The following SND1 variants were observed in gnomAD, a reference collection of about 807,000 sequenced individuals.
SND1 encodes staphylococcal nuclease and tudor domain containing 1.
A neutral mutation model predicts 121.7 loss-of-function variants in SND1; 38 were observed. The observed-to-expected ratio is 0.31, with a 90% CI of 0.24 to 0.41. The LOEUF (loss-of-function observed/expected upper bound fraction) is 0.41, where lower values mean the gene tolerates loss of function less well. SND1 is among the 10% of genes least tolerant of loss of function. The probability of loss-of-function intolerance (pLI) is 1.00; values close to 1 mark genes in which losing one functional copy is unlikely to be tolerated. For synonymous variants in SND1, 401 were observed against 447.4 expected (o/e 0.90, Z 1.31); for missense variants, 868 against 1,184.6 (o/e 0.73, Z 3.92).
chr7:127,988,202 T>C (rs1281025786), intron 15 of SND1, among the ~76,000 whole-genome samples: 2 of 152,208 alleles, frequency 1.3e-5, no homozygotes, highest in African/African-American at 4.8e-5. Flanking sequence ...GCTCGGCAAA[T>C]TTCTAATACT....
At chr7:127,709,484 T>C (rs1796262026) in intron 9 of SND1, among the ~76,000 whole-genome samples, 1 of 152,164 alleles carries the variant, frequency 6.6e-6, no homozygotes, top group Non-Finnish European at 1.5e-5. Context: ...TTGAAGAGTT[T>C]TGGGCCTTGG....
chr7:127,665,989 T>C (rs1434781097), intron 1 of SND1, among the ~76,000 whole-genome samples: 1 of 152,200 alleles, frequency 6.6e-6, no homozygotes, highest in Non-Finnish European at 1.5e-5. Flanking sequence ...GATCTATTAT[T>C]GTGTGTGGTA....
intron 16 of SND1, among the ~76,000 whole-genome samples, chr7:128,072,998 C>G (rs893658061): frequency 1.3e-5 from 2 of 152,202 alleles, no homozygotes; most frequent in Admixed American, 6.5e-5. Flanking sequence ...CCAGCACTTA[C>G]GCCCAGACTC....
chr7:128,025,522 A>G (rs751919200), intron 16 of SND1, among the ~76,000 whole-genome samples: 1 of 151,898 alleles, frequency 6.6e-6, no homozygotes, highest in Non-Finnish European at 1.5e-5. Context: ...TGCTATAACT[A>G]CCCCCTAAAG....
intron 16 of SND1, among the ~76,000 whole-genome samples, chr7:128,055,240 C>T (rs186231320): frequency 1.3e-5 from 2 of 152,298 alleles, no homozygotes; most frequent in East Asian, 1.9e-4. Context: ...ACCTTCTCCA[C>T]AGCCTGTGCT....
chr7:127,801,808 G>A (rs1798134272), intron 10 of SND1, among the ~76,000 whole-genome samples: 1 of 152,140 alleles, frequency 6.6e-6, no homozygotes, highest in Non-Finnish European at 1.5e-5. Flanking sequence ...TGGGGTTTAG[G>A]ATTGCCAGCC....
chr7:127,852,825 GA>G (rs1451142124), intron 12 of SND1, among the ~76,000 whole-genome samples: 1 of 151,736 alleles, frequency 6.6e-6, no homozygotes, highest in African/African-American at 2.4e-5. Context: ...AAAAAAAGAA[GA>G]AAAAGAAATA....
intron 16 of SND1, among the ~76,000 whole-genome samples, chr7:128,036,203 T>TTGTG (rs34733932): frequency 0.23 from 34,194 of 151,526 alleles, 4,146 homozygotes; most frequent in Middle Eastern, 0.28. Flanking sequence ...ATGAACACAT[T>TTGTG]TGTGTGTGTG....
intron 16 of SND1, among the ~76,000 whole-genome samples, chr7:128,047,417 A>C (rs530204680): frequency 6.6e-6 from 1 of 152,246 alleles, no homozygotes; most frequent in Admixed American, 6.5e-5. Flanking sequence ...AAATCCAGGT[A>C]CCACTGATTA....
intron 16 of SND1, among the ~76,000 whole-genome samples, chr7:128,016,166 A>G (rs1402030609): frequency 1.4e-5 from 2 of 143,600 alleles, no homozygotes; most frequent in Admixed American, 1.4e-4. Context: ...TTTTTTTTTA[A>G]GAGACAGAGT....
At chr7:127,968,430 G>A (rs1801904235) in intron 15 of SND1, among the ~76,000 whole-genome samples, 15 of 152,188 alleles carry the variant, frequency 9.9e-5, no homozygotes, top group Admixed American at 9.8e-4. Flanking sequence ...TTTTTGTAAA[G>A]TGGGGATGAA....
intron 12 of SND1, among the ~76,000 whole-genome samples, chr7:127,848,646 T>C (rs1202819360): frequency 6.6e-6 from 1 of 152,222 alleles, no homozygotes; most frequent in African/African-American, 2.4e-5. Flanking sequence ...CCTAGTGGCT[T>C]TCCTGTTATT....
At chr7:127,755,285 C>T (rs2116464527) in intron 10 of SND1, among the ~76,000 whole-genome samples, 1 of 152,306 alleles carries the variant, frequency 6.6e-6, no homozygotes, top group Non-Finnish European at 1.5e-5. Flanking sequence ...CAGCTAACTG[C>T]CCCTACCTCT....
intron 16 of SND1, among the ~76,000 whole-genome samples, chr7:128,053,327 C>T (rs1259478234): frequency 1.3e-5 from 2 of 152,216 alleles, no homozygotes; most frequent in Non-Finnish European, 2.9e-5. Flanking sequence ...TAGCCTCAGC[C>T]ACTCCAGCAC....
At chr7:127,986,950 T>G (rs1802405809) in intron 15 of SND1, among the ~76,000 whole-genome samples, 1 of 152,230 alleles carries the variant, frequency 6.6e-6, no homozygotes, top group South Asian at 2.1e-4. Flanking sequence ...AATAGTTTGT[T>G]TCTTAAAGGC....
chr7:127,990,868 TGTCAGGGGACC>T, intron 15 of SND1, 68 bp from the exon 16 acceptor site: 1 of 873,354 alleles, frequency 1.1e-6, no homozygotes, highest in Non-Finnish European at 1.8e-6. Flanking sequence ...TCACTGGAGG[TGTCAGGGGACC>T]GTCCTTATTG....
chr7:127,930,278 C>G (rs1405812730), intron 15 of SND1, among the ~76,000 whole-genome samples: 3 of 152,164 alleles, frequency 2.0e-5, no homozygotes, highest in African/African-American at 4.8e-5. Flanking sequence ...CATTGAATTA[C>G]TGAATAGAAT....
At chr7:127,736,340 T>C (rs1285777543) in intron 10 of SND1, among the ~76,000 whole-genome samples, 2 of 152,246 alleles carry the variant, frequency 1.3e-5, no homozygotes, top group African/African-American at 4.8e-5. Flanking sequence ...TCTCACTAGC[T>C]TCTCTGTTCA....
At chr7:127,804,580 C>T (rs1287310956) in intron 10 of SND1, among the ~76,000 whole-genome samples, 2 of 152,094 alleles carry the variant, frequency 1.3e-5, no homozygotes, top group South Asian at 2.1e-4. Context: ...TTACAGCCAA[C>T]TGACATTCCT....
Sources: allele counts gnomAD v4.1 joint callset (sites outside exome capture counted in the v4.1 genomes callset), GRCh38; gene constraint gnomAD v4.1.1; transcripts MANE v1.5; gene names NCBI Gene and HGNC (gene_info 2026-07-23, HGNC 2026-07-21).